Variants in PCDHA3 observed in about 807,000 individuals in gnomAD.
PCDHA3 encodes the protein protocadherin alpha 3.
PCDHA3 carries 41 observed loss-of-function variants against 62.2 expected under a neutral mutation model. That is an observed-to-expected ratio of 0.66 (90% CI 0.51 to 0.86). The LOEUF is 0.86. PCDHA3 is among the 40% of genes least tolerant of loss of function. PCDHA3 has a pLI of 0.00. For missense variants in PCDHA3, 1,304 were observed against 1,241.2 expected, an observed-to-expected ratio of 1.05 and a Z score of -0.76; for synonymous variants, 640 against 555.4, an observed-to-expected ratio of 1.15 and a Z score of -2.14.
At chr5:140,870,981 C>T (rs372420484) in intron 1 of PCDHA3, 72 of 1,613,472 alleles carry the variant, frequency 4.5e-5, no homozygotes, top group Non-Finnish European at 5.9e-5. Context: ...TGGGGCTGTA[C>T]ACGGGCGAGA....
chr5:140,828,591 T>G, intron 1 of PCDHA3: 1 of 1,614,220 alleles, frequency 6.2e-7, no homozygotes, highest in Non-Finnish European at 8.5e-7. Flanking sequence ...TCAAATTCCA[T>G]CTTAACCTAT....
chr5:140,819,115 T>C (rs1766493901), intron 1 of PCDHA3, among the ~76,000 whole-genome samples: 1 of 152,216 alleles, frequency 6.6e-6, no homozygotes, highest in Non-Finnish European at 1.5e-5. Flanking sequence ...TGGTATCCTT[T>C]CTTACTATCC....
chr5:140,886,996 T>C (rs1554182808), intron 1 of PCDHA3, among the ~76,000 whole-genome samples: 1 of 152,182 alleles, frequency 6.6e-6, no homozygotes, highest in African/African-American at 2.4e-5. Flanking sequence ...AATTTCCAGT[T>C]GGTATCACTT....
chr5:140,870,944 C>A (rs1554164906), intron 1 of PCDHA3: 1 of 1,613,540 alleles, frequency 6.2e-7, no homozygotes, highest in Admixed American at 1.7e-5. Context: ...CAGCCGGCGG[C>A]GGGCGGCTCG....
At chr5:140,805,553 G>T in intron 1 of PCDHA3, 3 of 979,064 alleles carry the variant, frequency 3.1e-6, no homozygotes, top group Non-Finnish European at 3.6e-6. Flanking sequence ...TATGGATATA[G>T]GAGGCAAGGA....
rs6883852 is a variant in PCDHA3, at chr5:140,924,704, G to T, written c.2395-54245G>T. 8.9e-3 allele frequency among the ~76,000 whole-genome samples: 1,352 copies of T among 152,160 alleles called. 15 individuals are homozygous for T. Among genetic ancestry groups the T allele is most frequent in the African/African-American group, 0.032 (1,309 of 41,486 alleles). On this transcript the variant is annotated intron_variant, in intron 1 of 3. Coordinates refer to ENST00000522353, the MANE Select transcript of PCDHA3 (RefSeq NM_018906.3). ...GAGGTCAGGAGTTCGAGACCAGCTT[G>T]TGCAACATGGCGAAACCTCACCTCT...
chr5:140,876,411 T>C (rs782457800), intron 1 of PCDHA3: 1 of 1,613,974 alleles, frequency 6.2e-7, no homozygotes, highest in South Asian at 1.1e-5. Flanking sequence ...TTGAAGAGAA[T>C]AATGCCTATG....
At chr5:140,835,908 T>A in intron 1 of PCDHA3, 1 of 1,612,190 alleles carries the variant, frequency 6.2e-7, no homozygotes, top group Admixed American at 1.7e-5. Flanking sequence ...GAGCTACGTG[T>A]CAGTGCACGC....
At chr5:140,986,951 T>C (rs1421822972) in intron 3 of PCDHA3, among the ~76,000 whole-genome samples, 1 of 152,128 alleles carries the variant, frequency 6.6e-6, no homozygotes, top group Non-Finnish European at 1.5e-5. Context: ...TGGTCGCTCA[T>C]GCCTGTAATT....
chr5:140,841,839 G>A, intron 1 of PCDHA3: 1 of 1,613,898 alleles, frequency 6.2e-7, no homozygotes, highest in Middle Eastern at 1.6e-4. Context: ...TACAGGCTTA[G>A]CTCTCATGAT....
chr5:140,937,492 C>T (rs1390017602), intron 1 of PCDHA3, among the ~76,000 whole-genome samples: 1 of 152,054 alleles, frequency 6.6e-6, no homozygotes, highest in African/African-American at 2.4e-5. Context: ...TGGCACATAC[C>T]CGTAATCCCA....
chr5:140,879,816 G>C (rs1232945342), intron 1 of PCDHA3, among the ~76,000 whole-genome samples: 9 of 152,196 alleles, frequency 5.9e-5, no homozygotes, highest in African/African-American at 2.2e-4. Flanking sequence ...TTGGCTGTTG[G>C]TGTTCCCTGG....
chr5:141,010,129 G>A lies in PCDHA3; in HGVS notation c.*192G>A, dbSNP rs781919488. The A allele has an allele frequency of 3.7e-6, 6 of 1,601,792 alleles. No individual in the cohort carries two copies. The highest frequency in any genetic ancestry group is 5.1e-6 in the Non-Finnish European group (6 of 1,173,386). On this transcript the variant is annotated 3_prime_UTR_variant, in exon 4 of 4. Coordinates refer to ENST00000522353, the MANE Select transcript of PCDHA3 (RefSeq NM_018906.3). Reference sequence around the variant, plus strand: ...TGTCGTAAAAGCTTTACTAAGTCTGGTGTTAACTCTTTCTCTCCACTCTGG... The same window carrying A: ...TGTCGTAAAAGCTTTACTAAGTCTGATGTTAACTCTTTCTCTCCACTCTGG...
At chr5:140,884,049 T>C (rs1268930422) in intron 1 of PCDHA3, 2 of 1,613,296 alleles carry the variant, frequency 1.2e-6, no homozygotes, top group African/African-American at 1.3e-5. Flanking sequence ...GTGGCGAAGG[T>C]GCGCGCGGTG....
chr5:140,828,462 G>T, intron 1 of PCDHA3: 1 of 1,614,208 alleles, frequency 6.2e-7, no homozygotes, highest in Non-Finnish European at 8.5e-7. Context: ...GTGGAGGTGA[G>T]GGACATTAAC....
At chr5:140,965,838 T>C (rs1486782697) in intron 1 of PCDHA3, among the ~76,000 whole-genome samples, 5 of 152,204 alleles carry the variant, frequency 3.3e-5, no homozygotes, top group African/African-American at 1.2e-4. Flanking sequence ...ATATTGGTTA[T>C]TTGCCAAGGC....
chr5:140,919,286 G>A (rs1225686980), intron 1 of PCDHA3, among the ~76,000 whole-genome samples: 9 of 152,096 alleles, frequency 5.9e-5, no homozygotes, highest in Admixed American at 5.9e-4. Flanking sequence ...GCTATCTTGT[G>A]GTTGCTGTTT....
intron 1 of PCDHA3, among the ~76,000 whole-genome samples, chr5:140,924,551 AT>A (rs2153572839): frequency 6.6e-6 from 1 of 152,240 alleles, no homozygotes; most frequent in African/African-American, 2.4e-5. Context: ...TCTCCCCACC[AT>A]TTTAATCAGC....
At chr5:140,874,064 A>T (rs554642692) in intron 1 of PCDHA3, among the ~76,000 whole-genome samples, 17 of 152,334 alleles carry the variant, frequency 1.1e-4, no homozygotes, top group Admixed American at 1.1e-3. Flanking sequence ...AATTTAAATA[A>T]TTAGCCTGAT....
Sources: gnomAD v4.1 joint callset for allele counts (sites outside exome capture counted in the v4.1 genomes callset) on GRCh38, gnomAD v4.1.1 for gene constraint, MANE v1.5 for transcripts, NCBI Gene and HGNC (gene_info 2026-07-23, HGNC 2026-07-21) for gene names.